Variants in RIC1 observed in about 807,000 individuals in gnomAD.
The protein encoded by RIC1 is RIC1 partner of RAB6A GEF complex, also known as guanine nucleotide exchange factor subunit RIC1.
In RIC1, 88 loss-of-function variants were observed where a neutral mutation model predicts 169.0. The observed-to-expected ratio is 0.52, with a 90% confidence interval of 0.44 to 0.62. RIC1 has a LOEUF of 0.62. RIC1 is among the 20% of genes least tolerant of loss of function. The probability of loss-of-function intolerance (pLI) is 0.00; values close to 1 mark genes in which losing one functional copy is unlikely to be tolerated. For synonymous variants in RIC1, 790 were observed against 601.5 expected (o/e 1.31, Z -4.59); for missense variants, 1,877 against 1,725.5 (o/e 1.09, Z -1.56).
chr9:5,709,371 A>G (rs1372343364), intron 3 of RIC1, among the ~76,000 whole-genome samples: 1 of 152,134 alleles, frequency 6.6e-6, no homozygotes, highest in Non-Finnish European at 1.5e-5. Flanking sequence ...CTTTAACTCT[A>G]ATTTTCAGTT....
rs1819560506 is a variant in RIC1 at position 5,663,262 on chromosome 9, T to C, written c.252+6572T>C. On this transcript the variant is annotated intron_variant, in intron 2 of 25. Coordinates refer to ENST00000414202, the MANE Select transcript of RIC1 (RefSeq NM_020829.4). ...TTACTTCCGATTATGTGATCAAATT[T>C]AGAGTAAGTGCCTTGTGATGATGAG... Among the ~76,000 whole-genome samples the C allele has an allele frequency of 1.3e-5, 2 of 152,230 alleles. 1 individual carries two copies. The highest frequency in any genetic ancestry group is 4.1e-4 in the South Asian group (2 of 4,836).
intron 21 of RIC1, among the ~76,000 whole-genome samples, chr9:5,768,398 G>A (rs1826948470): frequency 6.6e-6 from 1 of 152,086 alleles, no homozygotes; most frequent in Non-Finnish European, 1.5e-5. Flanking sequence ...ATGGTGGCAA[G>A]TACCTGTAGT....
Position 5,738,544 on chromosome 9 carries a change from T to TA in RIC1, c.901+6_901+7insA. Reference sequence around the variant, plus strand: ...AACAGCAAAACAGTATCCTGGTGAGTCTTTTTTTTTTTTTTTTTTTTTAAC... The same window carrying TA: ...AACAGCAAAACAGTATCCTGGTGAGTACTTTTTTTTTTTTTTTTTTTTTAAC... On this transcript the variant is annotated splice_region_variant and intron_variant, in intron 8 of 25. Coordinates refer to ENST00000414202, the MANE Select transcript of RIC1 (RefSeq NM_020829.4). 7.5e-5 allele frequency: 97 copies of TA among 1,292,374 alleles called. No homozygotes were observed. Among genetic ancestry groups the TA allele is most frequent in the Non-Finnish European group, 9.0e-5 (87 of 971,986 alleles). 80.1% of individuals were successfully genotyped at this position (1,292,374 alleles called of 1,614,324 possible). A position where few individuals can be genotyped will look rare whatever the true frequency, so the allele number is the denominator to read the frequency against.
At chr9:5,676,041 T>A (rs1820421842) in intron 2 of RIC1, among the ~76,000 whole-genome samples, 1 of 152,172 alleles carries the variant, frequency 6.6e-6, no homozygotes, top group South Asian at 2.1e-4. Flanking sequence ...TAGGAGAAAT[T>A]TATAGTTTAA....
chr9:5,766,535 A>G (rs1826770492), intron 21 of RIC1, among the ~76,000 whole-genome samples: 2 of 152,018 alleles, frequency 1.3e-5, no homozygotes, highest in South Asian at 2.1e-4. Context: ...AGTCCATTGT[A>G]TCATTCTTAT....
In RIC1 at chr9:5,689,981, T is replaced by C; in HGVS notation, c.275T>C (p.Phe92Ser). 6.2e-7 allele frequency: 1 copy of C among 1,603,652 alleles called. No individual in the cohort carries two copies. Among genetic ancestry groups the C allele is most frequent in the Non-Finnish European group, 8.5e-7 (1 of 1,175,890 alleles). Residue 92 changes from phenylalanine to serine, a missense_variant, in exon 3 of 26, where the codon TTT (phenylalanine) becomes TCT (serine). Phe to Ser is a radical substitution (Grantham distance 155). Around this residue, in one of 3 missense-constraint regions of RIC1, gnomAD observed 1,104 missense variants for 992.0 expected, o/e 1.11. Coordinates refer to ENST00000414202, the MANE Select transcript of RIC1 (RefSeq NM_020829.4). ...CAGACGGCAAATGGATACATCTTGT[T>C]TTTTCATATTACATCTACAAGAGGG... ...AVSTANGYIL[F>S]FHITSTRGDK... is the part of the protein sequence containing the mutation.
rs1261392688 is a variant in RIC1 at position 5,704,287 on chromosome 9, T to A, written c.333-9609T>A. On this transcript the variant is annotated intron_variant, in intron 3 of 25. Coordinates refer to ENST00000414202, the MANE Select transcript of RIC1 (RefSeq NM_020829.4). ...AGGCAGTGTCACAATCATAGCTCAC[T>A]GCATCCTTGATTTCTTGGGCTCAAG... 2.0e-5 allele frequency among the ~76,000 whole-genome samples: 3 copies of A among 151,400 alleles called. No individual in the cohort carries two copies. The East Asian group carries it at 6.0e-4, about 30-fold the overall frequency.
intron 2 of RIC1, among the ~76,000 whole-genome samples, chr9:5,677,515 C>G (rs1370003233): frequency 2.6e-5 from 4 of 151,990 alleles, no homozygotes; most frequent in Admixed American, 2.6e-4. Flanking sequence ...TGTGGGTTTA[C>G]TTCTATATAC....
At chr9:5,760,632 T>A (rs1826270411) in intron 17 of RIC1, among the ~76,000 whole-genome samples, 1 of 152,206 alleles carries the variant, frequency 6.6e-6, no homozygotes, top group Non-Finnish European at 1.5e-5. Context: ...TTTACTGTTA[T>A]CCAGGTGTCT....
At chr9:5,761,317 T>C (rs1463456307) in intron 17 of RIC1, among the ~76,000 whole-genome samples, 1 of 151,866 alleles carries the variant, frequency 6.6e-6, no homozygotes, top group Non-Finnish European at 1.5e-5. Context: ...TTTCACCATT[T>C]TGGCCAGGTT....
intron 1 of RIC1, among the ~76,000 whole-genome samples, chr9:5,636,027 T>A (rs1817955305): frequency 6.6e-6 from 1 of 152,258 alleles, no homozygotes; most frequent in African/African-American, 2.4e-5. Flanking sequence ...CAAGATGGCC[T>A]TGGCTATTCA....
intron 19 of RIC1, among the ~76,000 whole-genome samples, chr9:5,764,749 G>GT (rs752418391): frequency 6.6e-6 from 1 of 152,172 alleles, no homozygotes; most frequent in Non-Finnish European, 1.5e-5. Flanking sequence ...AAATGCAGCT[G>GT]TTTTTTGGTT....
chr9:5,686,737 C>A (rs1263041611), intron 2 of RIC1, among the ~76,000 whole-genome samples: 1 of 151,736 alleles, frequency 6.6e-6, no homozygotes, highest in Admixed American at 6.6e-5. Flanking sequence ...TGTAACTAAC[C>A]TGCACAATGT....
intron 2 of RIC1, among the ~76,000 whole-genome samples, chr9:5,661,041 A>G (rs574619040): frequency 2.0e-5 from 3 of 151,998 alleles, no homozygotes; most frequent in East Asian, 1.9e-4. Flanking sequence ...TCCAGTTTCA[A>G]TTTTCTGCAT....
intron 3 of RIC1, among the ~76,000 whole-genome samples, chr9:5,699,452 C>T (rs1349871228): frequency 6.6e-6 from 1 of 151,632 alleles, no homozygotes; most frequent in East Asian, 1.9e-4. Flanking sequence ...TGTTTTTATT[C>T]ATCTTTCTTA....
At chr9:5,677,589 A>G (rs962487036) in intron 2 of RIC1, among the ~76,000 whole-genome samples, 1 of 152,118 alleles carries the variant, frequency 6.6e-6, no homozygotes, top group Non-Finnish European at 1.5e-5. Context: ...TAGATATATA[A>G]TAATTTTTGA....
intron 23 of RIC1, among the ~76,000 whole-genome samples, chr9:5,771,251 C>T (rs1182398251): frequency 1.3e-5 from 2 of 152,162 alleles, no homozygotes; most frequent in Non-Finnish European, 2.9e-5. Context: ...TGGCAACCAC[C>T]ATTTTATTTT....
intron 2 of RIC1, among the ~76,000 whole-genome samples, chr9:5,669,821 G>C (rs1819985251): frequency 6.6e-6 from 1 of 152,116 alleles, no homozygotes; most frequent in South Asian, 2.1e-4. Flanking sequence ...GAAACATCAG[G>C]GGTAATGGGG....
Position 5,705,752 on chromosome 9 carries a change from G to A in RIC1, c.333-8144G>A, listed in dbSNP as rs558123040. Among the ~76,000 whole-genome samples, 17 of 152,280 alleles carry A rather than the reference G, an allele frequency of 1.1e-4. No homozygotes were observed. In the South Asian group the frequency reaches 2.5e-3, roughly 22 times the overall value. Reference sequence around the variant, plus strand: ...TTCAGTCAGTAAACAGTCATTTACTGTTGAGTAAGATGTTAGCTGTGCGCT... The same window carrying A: ...TTCAGTCAGTAAACAGTCATTTACTATTGAGTAAGATGTTAGCTGTGCGCT... On this transcript the variant is annotated intron_variant, in intron 3 of 25. Transcript: ENST00000414202.
Sources: gnomAD v4.1 joint callset for allele counts (sites outside exome capture counted in the v4.1 genomes callset) on GRCh38, gnomAD v4.1.1 for gene constraint, gnomAD v4.1.1 regional missense constraint, MANE v1.5 for transcripts, NCBI Gene and HGNC (gene_info 2026-07-23, HGNC 2026-07-21) for gene names.